The following ECT2 variants were observed in gnomAD, a reference collection of about 807,000 sequenced individuals.
ECT2 encodes the protein protein ECT2.
Under a neutral mutation model 116.9 loss-of-function variants are expected in ECT2, and 61 were observed. The ratio of observed to expected loss-of-function variants is 0.52; its 90% CI spans 0.42 to 0.65. ECT2 has a LOEUF of 0.65. Among genes scored for constraint, ECT2 ranks in the 30% least tolerant of loss-of-function variants. The probability of loss-of-function intolerance (pLI) is 0.00; values close to 1 mark genes in which losing one functional copy is unlikely to be tolerated. For synonymous variants in ECT2, 358 were observed against 346.4 expected, an observed-to-expected ratio of 1.03 and a Z score of -0.37; for missense variants, 937 against 1,078.7, an observed-to-expected ratio of 0.87 and a Z score of 1.84.
rs1718582615 is a variant in ECT2 at position 172,762,822 on chromosome 3, A to G, written c.1005+16A>G. On this transcript the variant is annotated intron_variant, in intron 10 of 24. Transcript: ENST00000392692. ...CAAGCAAGAGGCAAGTAATTCTAGA[A>G]TGAGGTTGGTTTTTAAAAACACTAT... 6.2e-7 allele frequency: 1 copy of G among 1,610,034 alleles called. No homozygotes were observed. Among genetic ancestry groups the G allele is most frequent in the Admixed American group, 1.7e-5 (1 of 59,182 alleles).
intron 22 of ECT2, among the ~76,000 whole-genome samples, chr3:172,808,442 T>C (rs1298177988): frequency 6.6e-6 from 1 of 152,108 alleles, no homozygotes. Flanking sequence ...TTTTCTCATG[T>C]GAACCTCTTA....
rs1288269385 is a variant in ECT2, at chr3:172,764,469, C to T, written c.1260C>T (p.Ser420=). Reference sequence around the variant, plus strand: ...CCATAGGGTCACTCCTAGATATCTCCAACACACCAGAGTCTAGCATTAACT... The same window carrying T: ...CCATAGGGTCACTCCTAGATATCTCTAACACACCAGAGTCTAGCATTAACT... The part of the protein sequence containing the change: ...SLSIGSLLDI[S]NTPESSINYG... Residue 420 remains serine (S), a synonymous_variant, in exon 12 of 25, where the codon TCC becomes TCT. Coordinates refer to ENST00000392692, the MANE Select transcript of ECT2 (RefSeq NM_001258315.2). The T allele has an allele frequency of 1.2e-6, 2 of 1,613,950 alleles. No individual in the cohort carries two copies. Among genetic ancestry groups the T allele is most frequent in the Admixed American group, 1.7e-5 (1 of 59,996 alleles).
intron 6 of ECT2, 51 bp from the exon 7 acceptor site, chr3:172,760,105 A>T (rs762404424): frequency 7.9e-7 from 1 of 1,259,518 alleles, no homozygotes; most frequent in East Asian, 2.5e-5. Flanking sequence ...ATAGTTTAAA[A>T]TTTTGTTCAA....
intron 18 of ECT2, among the ~76,000 whole-genome samples, chr3:172,801,333 A>G (rs1263861071): frequency 6.6e-6 from 1 of 152,240 alleles, no homozygotes; most frequent in African/African-American, 2.4e-5. Flanking sequence ...GAATCAGAAC[A>G]GTATTTAGTC....
At chr3:172,799,940 A>G (rs1037419850) in intron 18 of ECT2, among the ~76,000 whole-genome samples, 17 of 152,148 alleles carry the variant, frequency 1.1e-4, no homozygotes, top group African/African-American at 4.1e-4. Context: ...GCCCTGAGAA[A>G]ATTTTCCTTT....
intron 13 of ECT2, among the ~76,000 whole-genome samples, chr3:172,772,705 A>T (rs946052800): frequency 2.6e-5 from 4 of 151,552 alleles, no homozygotes; most frequent in Middle Eastern, 3.2e-3. Flanking sequence ...AGTCATGAAG[A>T]TTTTCTCTTC....
the ECT2 span, among the ~76,000 whole-genome samples, chr3:172,827,405 A>G: frequency 6.6e-6 from 1 of 152,258 alleles, no homozygotes; most frequent in Non-Finnish European, 1.5e-5. Context: ...ATGAATGGAT[A>G]AAGAAAACGT....
chr3:172,751,126 G>A (rs1036782763), intron 1 of ECT2: 1 of 152,340 alleles, frequency 6.6e-6, no homozygotes, highest in Non-Finnish European at 1.5e-5. Context: ...TGTGGGTGAA[G>A]GGAGGGAGTT....
At chr3:172,773,817 ATCTTGTG>A (rs1394200694) in intron 13 of ECT2, 79 bp from the exon 14 acceptor site, 2 of 1,326,484 alleles carry the variant, frequency 1.5e-6, no homozygotes, top group African/African-American at 3.0e-5. Flanking sequence ...CTCTATTAAT[ATCTTGTG>A]TCTCCTTTAT....
At chr3:172,774,080 T>C (rs1205155447) in intron 14 of ECT2, 58 bp downstream of exon 14, 20 of 1,544,516 alleles carry the variant, frequency 1.3e-5, no homozygotes, top group Non-Finnish European at 9.8e-6. Context: ...ATATTTATTA[T>C]GATCTTTGAG....
intron 22 of ECT2, among the ~76,000 whole-genome samples, chr3:172,809,628 A>G (rs985015176): frequency 2.0e-5 from 3 of 152,012 alleles, no homozygotes; most frequent in Admixed American, 2.0e-4. Context: ...ATGTAAAAAG[A>G]TATAAAAATC....
At chr3:172,773,805 T>C in intron 13 of ECT2, 98 bp from the exon 14 acceptor site, 1 of 1,218,218 alleles carries the variant, frequency 8.2e-7, no homozygotes, top group Non-Finnish European at 1.1e-6. Flanking sequence ...TATTACTTCC[T>C]TCTCTATTAA....
intron 23 of ECT2, 146 bp from the exon 24 acceptor site, chr3:172,816,545 C>A: frequency 1.8e-6 from 1 of 540,704 alleles, no homozygotes; most frequent in Non-Finnish European, 3.0e-6. Flanking sequence ...CAAATTTCCT[C>A]ACTGTTTTGT....
At chr3:172,802,146 C>T (rs1425947050) in intron 18 of ECT2, among the ~76,000 whole-genome samples, 1 of 151,100 alleles carries the variant, frequency 6.6e-6, no homozygotes, top group Non-Finnish European at 1.5e-5. Context: ...TGGAGTTTCA[C>T]TCTTGTTGCC....
intron 18 of ECT2, among the ~76,000 whole-genome samples, chr3:172,793,911 T>G (rs1275616132): frequency 1.3e-5 from 2 of 152,244 alleles, no homozygotes; most frequent in African/African-American, 4.8e-5. Context: ...GATATGCCTG[T>G]TCAAATCTTT....
At chr3:172,778,763 T>C (rs1310451780) in intron 14 of ECT2, among the ~76,000 whole-genome samples, 1 of 151,724 alleles carries the variant, frequency 6.6e-6, no homozygotes, top group African/African-American at 2.4e-5. Context: ...GCCTGGCTAG[T>C]TTTTTGTATT....
chr3:172,761,573 T>A (rs546449713), intron 7 of ECT2, 37 bp from the exon 8 acceptor site: 1 of 1,467,774 alleles, frequency 6.8e-7, no homozygotes, highest in African/African-American at 1.4e-5. Context: ...ATGCAGTTAT[T>A]TAAGGAGAAA....
At chr3:172,755,653 T>G in intron 4 of ECT2, 78 bp downstream of exon 4, 1 of 784,926 alleles carries the variant, frequency 1.3e-6, no homozygotes, top group Non-Finnish European at 1.9e-6. Flanking sequence ...GTGATTGGAA[T>G]TAGGCACAAG....
At chr3:172,780,722 C>CT (rs1342676713) in intron 14 of ECT2, among the ~76,000 whole-genome samples, 14 of 151,530 alleles carry the variant, frequency 9.2e-5, no homozygotes, top group East Asian at 1.9e-4. Context: ...AAACACTTAT[C>CT]TTTTTTTTTC....
Sources: allele counts gnomAD v4.1 joint callset (sites outside exome capture counted in the v4.1 genomes callset), GRCh38; gene constraint gnomAD v4.1.1; transcripts MANE v1.5; gene names NCBI Gene and HGNC (gene_info 2026-07-23, HGNC 2026-07-21).